Variants in ATP8A2 observed in about 807,000 individuals in gnomAD.
The protein encoded by ATP8A2 is phospholipid-transporting ATPase IB.
ATP8A2 carries 100 observed loss-of-function variants against 165.6 expected under a neutral mutation model. The ratio of observed to expected loss-of-function variants is 0.60; its 90% CI spans 0.51 to 0.71. ATP8A2 has a LOEUF of 0.71. Among genes scored for constraint, ATP8A2 ranks in the 30% least tolerant of loss-of-function variants. The pLI, the probability that ATP8A2 is intolerant of heterozygous loss-of-function variation, is 0.00. For missense variants in ATP8A2, 1,227 were observed against 1,479.5 expected, an observed-to-expected ratio of 0.83 and a Z score of 2.80; for synonymous variants, 543 against 548.8, an observed-to-expected ratio of 0.99 and a Z score of 0.15.
chr13:25,762,386 G>A lies in ATP8A2; in HGVS notation c.2385-6660G>A, dbSNP rs139889359. 2.5e-3 allele frequency among the ~76,000 whole-genome samples: 372 copies of A among 146,736 alleles called. 1 individual carries two copies. Among genetic ancestry groups the A allele is most frequent in the African/African-American group, 8.7e-3 (349 of 40,016 alleles). The stretch of plus-strand genomic sequence containing the variant: ...CATGTTGGTCAGGAAGTTTGCAAAC[G>A]ATATCTGTCTCTTGAATCACAGGAC... On this transcript the variant is annotated intron_variant, in intron 25 of 36. Coordinates refer to ENST00000381655, the MANE Select transcript of ATP8A2 (RefSeq NM_016529.6).
chr13:25,619,995 A>G (rs1351399855), intron 24 of ATP8A2, among the ~76,000 whole-genome samples: 3 of 152,222 alleles, frequency 2.0e-5, no homozygotes, highest in African/African-American at 7.2e-5. Flanking sequence ...GTTGAGGCAT[A>G]CAGAGTAGAA....
intron 27 of ATP8A2, among the ~76,000 whole-genome samples, chr13:25,800,563 T>G (rs1950601761): frequency 6.6e-6 from 1 of 152,200 alleles, no homozygotes; most frequent in African/African-American, 2.4e-5. Context: ...GGCAGGCTCC[T>G]GGACACCTGG....
intron 33 of ATP8A2, among the ~76,000 whole-genome samples, chr13:25,891,454 C>T (rs916134241): frequency 6.6e-6 from 1 of 152,138 alleles, no homozygotes; most frequent in Non-Finnish European, 1.5e-5. Flanking sequence ...TCCCAAACAG[C>T]TGGGATTACA....
rs75765048 is a variant in ATP8A2 at position 26,018,766 on chromosome 13, C to T, written c.3470-1122C>T. ...GTTTGCTTCCCAGCTCTGCCACTCACGAGGTCTGTGACCTTGGGCAGGTCA... is the reference window on the plus strand; with the variant it reads ...GTTTGCTTCCCAGCTCTGCCACTCATGAGGTCTGTGACCTTGGGCAGGTCA... On this transcript the variant is annotated intron_variant, in intron 36 of 36. Transcript: ENST00000381655. 1.7e-3 allele frequency among the ~76,000 whole-genome samples: 260 copies of T among 152,272 alleles called. 1 individual carries two copies. Among genetic ancestry groups the T allele is most frequent in the African/African-American group, 6.0e-3 (249 of 41,544 alleles).
rs1247985147 is a variant in ATP8A2, at chr13:25,392,044, G to A, written c.76+19756G>A. Among the ~76,000 whole-genome samples, 3 of 152,194 alleles carry A rather than the reference G, an allele frequency of 2.0e-5. No homozygotes were observed. In the East Asian group the frequency reaches 5.8e-4, roughly 29 times the overall value. ...GGGTCTGCTTGTTTAGTGCTGAGCT[G>A]GTGCAATGTGATAGTGCAGTGAGCT... is the stretch of plus-strand genomic sequence containing the variant. On this transcript the variant is annotated intron_variant, in intron 1 of 36. Transcript: ENST00000381655.
At chr13:25,513,173 C>T (rs558404001) in intron 2 of ATP8A2, among the ~76,000 whole-genome samples, 28 of 151,562 alleles carry the variant, frequency 1.8e-4, no homozygotes, top group Admixed American at 6.6e-4. Context: ...GGGCGGCTGC[C>T]GGGCGGAGAG....
chr13:25,974,720 G>A (rs1262759115), intron 35 of ATP8A2, among the ~76,000 whole-genome samples: 3 of 152,022 alleles, frequency 2.0e-5, no homozygotes, highest in African/African-American at 2.4e-5. Context: ...CTGCTCCATC[G>A]GGATGAATTT....
intron 1 of ATP8A2, among the ~76,000 whole-genome samples, chr13:25,391,244 C>T (rs758598206): frequency 1.3e-5 from 2 of 152,106 alleles, no homozygotes; most frequent in Non-Finnish European, 2.9e-5. Context: ...TAAATGAATC[C>T]AGCTCAAGCC....
At chr13:25,819,079 T>C (rs1951097951) in intron 27 of ATP8A2, among the ~76,000 whole-genome samples, 1 of 152,202 alleles carries the variant, frequency 6.6e-6, no homozygotes, top group African/African-American at 2.4e-5. Flanking sequence ...TAGAAACAGT[T>C]TGGCCAACCA....
At chr13:25,381,157 A>G (rs1186545027) in intron 1 of ATP8A2, among the ~76,000 whole-genome samples, 2 of 152,162 alleles carry the variant, frequency 1.3e-5, no homozygotes, top group East Asian at 3.8e-4. Flanking sequence ...CACACTCACG[A>G]TTTATGATTA....
At chr13:25,848,673 T>A (rs1027645905) in intron 30 of ATP8A2, among the ~76,000 whole-genome samples, 3 of 152,194 alleles carry the variant, frequency 2.0e-5, no homozygotes, top group African/African-American at 7.2e-5. Context: ...AACCAGGAGC[T>A]TCACCCGGCA....
intron 24 of ATP8A2, among the ~76,000 whole-genome samples, chr13:25,595,713 T>C (rs1472052438): frequency 1.3e-5 from 2 of 152,180 alleles, no homozygotes; most frequent in East Asian, 1.9e-4. Flanking sequence ...TAGGTGGTAG[T>C]CTCTTTGTTT....
intron 24 of ATP8A2, among the ~76,000 whole-genome samples, chr13:25,590,753 G>A (rs1350909085): frequency 6.6e-6 from 1 of 152,166 alleles, no homozygotes; most frequent in African/African-American, 2.4e-5. Context: ...TTTAAAGGGA[G>A]GCAATAAAGT....
chr13:25,594,459 A>ATTT (rs2040178687), intron 24 of ATP8A2, among the ~76,000 whole-genome samples: 4 of 152,114 alleles, frequency 2.6e-5, no homozygotes, highest in Non-Finnish European at 5.9e-5. Flanking sequence ...ATTAGTGAAC[A>ATTT]GGTGGTATTT....
At chr13:25,711,949 G>A (rs2043167218) in intron 25 of ATP8A2, among the ~76,000 whole-genome samples, 1 of 152,108 alleles carries the variant, frequency 6.6e-6, no homozygotes, top group South Asian at 2.1e-4. Context: ...CAGCTGCTGG[G>A]TGTTCACTTC....
chr13:25,556,004 T>G (rs527910167), intron 13 of ATP8A2, among the ~76,000 whole-genome samples: 1 of 152,380 alleles, frequency 6.6e-6, no homozygotes, highest in South Asian at 2.1e-4. Flanking sequence ...CACATTTTCT[T>G]TATCCAATCC....
chr13:26,020,170 G>C lies in ATP8A2; in HGVS notation c.*185G>C, dbSNP rs1298081680. 1.7e-6 allele frequency: 1 copy of C among 596,686 alleles called. No individual in the cohort carries two copies. Among genetic ancestry groups the C allele is most frequent in the African/African-American group, 1.9e-5 (1 of 53,726 alleles). The allele number at this position is 596,686 out of a possible 1,614,324, so 37.0% of individuals were successfully genotyped here. A position where few individuals can be genotyped will look rare whatever the true frequency, so the allele number is the denominator to read the frequency against. Reference sequence around the variant, plus strand: ...CAAACCTGGAGTGCAGACCACAGGGGAAGCTATCTTTGCCCTCCCAACTCG... The same window carrying C: ...CAAACCTGGAGTGCAGACCACAGGGCAAGCTATCTTTGCCCTCCCAACTCG... On this transcript the variant is annotated 3_prime_UTR_variant, in exon 37 of 37. Transcript: ENST00000381655.
intron 2 of ATP8A2, among the ~76,000 whole-genome samples, chr13:25,529,348 G>A (rs17795369): frequency 4.6e-5 from 7 of 152,142 alleles, no homozygotes; most frequent in South Asian, 2.1e-4. Flanking sequence ...CATTCTTGTC[G>A]TTCCCATAAT....
chr13:25,799,640 C>T (rs553322272), intron 27 of ATP8A2, among the ~76,000 whole-genome samples: 2 of 152,314 alleles, frequency 1.3e-5, no homozygotes, highest in African/African-American at 4.8e-5. Context: ...AGAGTAGTCC[C>T]TGTGGCCTTG....
Sources: allele counts gnomAD v4.1 joint callset (sites outside exome capture counted in the v4.1 genomes callset), GRCh38; gene constraint gnomAD v4.1.1; transcripts MANE v1.5; gene names NCBI Gene and HGNC (gene_info 2026-07-23, HGNC 2026-07-21).